CELF2: variants seen among roughly 807,000 people sequenced by gnomAD.
CELF2 encodes the protein CUGBP Elav-like family member 2.
CELF2 carries 8 observed loss-of-function variants against 62.6 expected under a neutral mutation model. The ratio of observed to expected loss-of-function variants is 0.13; its 90% confidence interval spans 0.07 to 0.23. The LOEUF (loss-of-function observed/expected upper bound fraction) is 0.23, where lower values mean the gene tolerates loss of function less well. CELF2 is among the 10% of genes least tolerant of loss of function. The pLI, the probability that CELF2 is intolerant of heterozygous loss-of-function variation, is 1.00. For synonymous variants in CELF2, 258 were observed against 250.0 expected, an observed-to-expected ratio of 1.03 and a Z score of -0.30; for missense variants, 333 against 671.0, an observed-to-expected ratio of 0.50 and a Z score of 5.56.
chr10:10,628,460 G>A, the CELF2 span, among the ~76,000 whole-genome samples: 2 of 152,074 alleles, frequency 1.3e-5, no homozygotes, highest in Non-Finnish European at 2.9e-5. Flanking sequence ...AATGTATGAA[G>A]TGGGGAGCAG....
chr10:11,194,798 A>G (rs1233741615), intron 2 of CELF2, among the ~76,000 whole-genome samples: 1 of 152,250 alleles, frequency 6.6e-6, no homozygotes, highest in Non-Finnish European at 1.5e-5. Context: ...AGCACTTAAC[A>G]TTGTGAAGTT....
At chr10:11,241,672 A>G (rs909368136) in intron 3 of CELF2, among the ~76,000 whole-genome samples, 1 of 152,130 alleles carries the variant, frequency 6.6e-6, no homozygotes, top group African/African-American at 2.4e-5. Flanking sequence ...CACCATCCCT[A>G]AAGCTATTTT....
intron 2 of CELF2, among the ~76,000 whole-genome samples, chr10:10,989,451 G>A (rs2053188264): frequency 6.6e-6 from 1 of 151,906 alleles, no homozygotes; most frequent in Non-Finnish European, 1.5e-5. Context: ...AAAAACCCCA[G>A]GGAAAAGGAC....
At chr10:10,495,174 G>A in the CELF2 span, among the ~76,000 whole-genome samples, 62 of 152,216 alleles carry the variant, frequency 4.1e-4, no homozygotes, top group Non-Finnish European at 1.3e-4. Context: ...CCAGCTACTC[G>A]GGAGGCTGAG....
chr10:11,067,734 G>A (rs1302711044), intron 1 of CELF2, among the ~76,000 whole-genome samples: 4 of 152,234 alleles, frequency 2.6e-5, no homozygotes, highest in African/African-American at 9.6e-5. Context: ...TCCAGTGGTT[G>A]AAGTTGAAAG....
intron 1 of CELF2, among the ~76,000 whole-genome samples, chr10:10,897,962 G>A (rs2062678890): frequency 6.6e-6 from 1 of 152,236 alleles, no homozygotes; most frequent in African/African-American, 2.4e-5. Flanking sequence ...TGTGGTCTCT[G>A]TAGGCCCAGA....
intron 2 of CELF2, among the ~76,000 whole-genome samples, chr10:11,176,509 G>T (rs530139319): frequency 1.3e-5 from 2 of 152,310 alleles, no homozygotes; most frequent in South Asian, 4.1e-4. Context: ...GAACTCTGAC[G>T]TGTATTTTAA....
intron 2 of CELF2, among the ~76,000 whole-genome samples, chr10:11,176,868 C>G (rs1305061462): frequency 1.3e-5 from 2 of 152,206 alleles, no homozygotes; most frequent in Non-Finnish European, 2.9e-5. Context: ...GCAAGCTACA[C>G]TCAGTTTTGA....
chr10:10,783,704 G>T, the CELF2 span, among the ~76,000 whole-genome samples: 11 of 152,160 alleles, frequency 7.2e-5, no homozygotes, highest in South Asian at 2.3e-3. Context: ...GCATGTCATG[G>T]GGCTGGGCAC....
chr10:10,590,107 CAT>C, the CELF2 span, among the ~76,000 whole-genome samples: 4 of 152,162 alleles, frequency 2.6e-5, no homozygotes, highest in African/African-American at 4.8e-5. Context: ...GCTATAGAAA[CAT>C]GTGCTGCCCT....
intron 1 of CELF2, among the ~76,000 whole-genome samples, chr10:10,864,436 A>G (rs564579820): frequency 3.3e-5 from 5 of 152,164 alleles, no homozygotes; most frequent in Admixed American, 6.5e-5. Context: ...AGGCTGCCGT[A>G]ACAAAATACC....
intron 1 of CELF2, among the ~76,000 whole-genome samples, chr10:11,025,629 A>C (rs1266527639): frequency 1.3e-5 from 2 of 152,166 alleles, no homozygotes; most frequent in African/African-American, 4.8e-5. Context: ...GCAGTTCTTT[A>C]TAGCAGTTTG....
At chr10:10,578,701 T>C in the CELF2 span, among the ~76,000 whole-genome samples, 1 of 152,190 alleles carries the variant, frequency 6.6e-6, no homozygotes, top group African/African-American at 2.4e-5. Context: ...CAGGATATTC[T>C]ACTTTCATTA....
intron 1 of CELF2, among the ~76,000 whole-genome samples, chr10:11,141,103 C>T (rs1194457091): frequency 1.3e-5 from 2 of 152,154 alleles, no homozygotes; most frequent in African/African-American, 2.4e-5. Context: ...ACATGCCGGG[C>T]GCTGTGCTCA....
the CELF2 span, among the ~76,000 whole-genome samples, chr10:10,681,992 A>G: frequency 1.3e-5 from 2 of 152,340 alleles, no homozygotes; most frequent in African/African-American, 2.4e-5. Context: ...AAACAGATTA[A>G]GAGATTTCCA....
In CELF2 at chr10:11,123,911, A is replaced by G. The variant is rs145530053; in HGVS notation, c.75-41575A>G. 4.8e-3 allele frequency among the ~76,000 whole-genome samples: 733 copies of G among 152,286 alleles called. 3 individuals are homozygous for G. Among genetic ancestry groups the G allele is most frequent in the African/African-American group, 0.016 (668 of 41,530 alleles). ...CAGTTCTCATGCTGCTAATAAAGAC[A>G]TACCCAAGACTGGGTAATTTATAAA... On this transcript the variant is annotated intron_variant, in intron 1 of 12. Transcript: ENST00000633077.
At chr10:11,251,664 C>G (rs2077182124) in intron 4 of CELF2, among the ~76,000 whole-genome samples, 1 of 152,184 alleles carries the variant, frequency 6.6e-6, no homozygotes, top group Admixed American at 6.5e-5. Context: ...TAACCTTACT[C>G]AGCATCAGTG....
chr10:10,962,258 G>T (rs117411057), intron 2 of CELF2, among the ~76,000 whole-genome samples: 1 of 152,218 alleles, frequency 6.6e-6, no homozygotes, highest in Non-Finnish European at 1.5e-5. Flanking sequence ...ACATGGTAGA[G>T]GTTTCAGACA....
chr10:10,615,259 C>T, the CELF2 span, among the ~76,000 whole-genome samples: 2 of 152,086 alleles, frequency 1.3e-5, no homozygotes, highest in African/African-American at 4.8e-5. Context: ...AATTCACCTA[C>T]TGTTTAAAAT....
Sources: allele counts gnomAD v4.1 joint callset (sites outside exome capture counted in the v4.1 genomes callset), GRCh38; gene constraint gnomAD v4.1.1; transcripts MANE v1.5; gene names NCBI Gene and HGNC (gene_info 2026-07-23, HGNC 2026-07-21).